FRAS1: variants seen among roughly 807,000 people sequenced by gnomAD.
FRAS1 encodes the protein Fraser extracellular matrix complex subunit 1.
FRAS1 carries 290 observed loss-of-function variants against 435.2 expected under a neutral mutation model. The ratio of observed to expected loss-of-function variants is 0.67; its 90% CI spans 0.61 to 0.73. The LOEUF is 0.73. FRAS1 is among the 30% of genes least tolerant of loss of function. FRAS1 has a pLI of 0.00. For synonymous variants in FRAS1, 1,800 were observed against 1,851.0 expected (o/e 0.97, Z 0.71); for missense variants, 4,860 against 5,001.5 (o/e 0.97, Z 0.85).
intron 1 of FRAS1, among the ~76,000 whole-genome samples, chr4:78,059,667 G>C (rs1038288650): frequency 6.6e-6 from 1 of 151,888 alleles, no homozygotes; most frequent in South Asian, 2.1e-4. Flanking sequence ...CGCAGGAAAC[G>C]TGCTATCACT....
At chr4:78,205,856 G>C (rs1723232597) in intron 2 of FRAS1, among the ~76,000 whole-genome samples, 1 of 152,060 alleles carries the variant, frequency 6.6e-6, no homozygotes, top group Admixed American at 6.5e-5. Flanking sequence ...AATGACGCCT[G>C]TTTCCCCAGG....
At chr4:78,512,921 G>T (rs1035169786) in intron 64 of FRAS1, among the ~76,000 whole-genome samples, 1 of 152,148 alleles carries the variant, frequency 6.6e-6, no homozygotes, top group Non-Finnish European at 1.5e-5. Context: ...TAGAGGAATT[G>T]GTTTTAGAGT....
At position 78,518,437 on chromosome 4, in the gene FRAS1, TA is replaced by T. The variant is rs879492986; in HGVS notation, c.10390-893del. 1.0e-3 allele frequency among the ~76,000 whole-genome samples: 124 copies of T among 119,386 alleles called. 2 individuals are homozygous for T. The highest frequency in any genetic ancestry group is 3.7e-3 in the Admixed American group (46 of 12,420). The allele number at this position is 119,386 out of a possible 152,430, so 78.3% of individuals were successfully genotyped here. A position where few individuals can be genotyped will look rare whatever the true frequency, so the allele number is the denominator to read the frequency against. On this transcript the variant is annotated intron_variant, in intron 66 of 73. Coordinates refer to ENST00000512123, the MANE Select transcript of FRAS1 (RefSeq NM_025074.7). ...TTTTTGTTGTGTATATATATATATA[TA>T]TATATATATATATATTTATTTATTT...
At chr4:78,428,601 G>C (rs1483478208) in intron 35 of FRAS1, among the ~76,000 whole-genome samples, 1 of 152,164 alleles carries the variant, frequency 6.6e-6, no homozygotes, top group Non-Finnish European at 1.5e-5. Flanking sequence ...GGGATTACAG[G>C]TGTGAGCCAC....
chr4:78,271,099 A>G (rs561301381), intron 9 of FRAS1, among the ~76,000 whole-genome samples: 3 of 152,350 alleles, frequency 2.0e-5, no homozygotes, highest in Admixed American at 6.5e-5. Context: ...ATCCAGAGAC[A>G]ACCAATGCTT....
intron 18 of FRAS1, among the ~76,000 whole-genome samples, chr4:78,331,405 A>C (rs1478683225): frequency 6.6e-6 from 1 of 152,088 alleles, no homozygotes; most frequent in East Asian, 1.9e-4. Flanking sequence ...GCAGGGTGCT[A>C]GGGGTGGGGT....
At chr4:78,375,515 A>T (rs1731722154) in intron 25 of FRAS1, among the ~76,000 whole-genome samples, 1 of 152,182 alleles carries the variant, frequency 6.6e-6, no homozygotes, top group African/African-American at 2.4e-5. Context: ...TAAACAATTC[A>T]TTTTTGTGTA....
At chr4:78,405,655 T>C (rs973721715) in intron 30 of FRAS1, among the ~76,000 whole-genome samples, 2 of 152,216 alleles carry the variant, frequency 1.3e-5, no homozygotes, top group African/African-American at 4.8e-5. Flanking sequence ...AATTGCCCAA[T>C]ATGTCTAGTG....
At chr4:78,408,958 G>T (rs539616913) in intron 31 of FRAS1, among the ~76,000 whole-genome samples, 3 of 151,434 alleles carry the variant, frequency 2.0e-5, no homozygotes, top group East Asian at 3.9e-4. Context: ...ACCCTGTCTC[G>T]CAAAAAATAC....
At chr4:78,275,881 G>A (rs573361578) in intron 9 of FRAS1, among the ~76,000 whole-genome samples, 30 of 152,290 alleles carry the variant, frequency 2.0e-4, no homozygotes, top group South Asian at 6.2e-4. Context: ...GATTGGGGAA[G>A]TTCTCCTGGA....
intron 2 of FRAS1, among the ~76,000 whole-genome samples, chr4:78,176,934 T>C (rs1379309995): frequency 6.6e-6 from 1 of 152,236 alleles, no homozygotes; most frequent in Non-Finnish European, 1.5e-5. Flanking sequence ...TCATCTTATC[T>C]GTCCCATCAA....
At chr4:78,532,105 A>T (rs1721733938) in intron 70 of FRAS1, among the ~76,000 whole-genome samples, 1 of 152,190 alleles carries the variant, frequency 6.6e-6, no homozygotes, top group Admixed American at 6.5e-5. Flanking sequence ...CCACAGTTTA[A>T]ATAAACCCTA....
intron 2 of FRAS1, among the ~76,000 whole-genome samples, chr4:78,155,979 A>G (rs1036281435): frequency 2.0e-5 from 3 of 152,132 alleles, no homozygotes; most frequent in African/African-American, 7.2e-5. Context: ...CAAAAACCGC[A>G]AACAACATAA....
intron 2 of FRAS1, among the ~76,000 whole-genome samples, chr4:78,112,965 T>C (rs1039036242): frequency 1.5e-4 from 23 of 152,268 alleles, no homozygotes; most frequent in Non-Finnish European, 2.9e-4. Flanking sequence ...CTTCTAATGC[T>C]ATCCCTCCCC....
intron 2 of FRAS1, among the ~76,000 whole-genome samples, chr4:78,206,689 C>T (rs1418622970): frequency 2.0e-5 from 3 of 152,064 alleles, no homozygotes; most frequent in Non-Finnish European, 4.4e-5. Context: ...CTTATTTAAG[C>T]GTTTTAAGAG....
chr4:78,334,093 G>C (rs1730061715), intron 19 of FRAS1, among the ~76,000 whole-genome samples: 1 of 152,092 alleles, frequency 6.6e-6, no homozygotes, highest in African/African-American at 2.4e-5. Flanking sequence ...CCAGCCTGTG[G>C]CTTTTTAAAA....
chr4:78,149,475 C>T (rs1441640905), intron 2 of FRAS1, among the ~76,000 whole-genome samples: 1 of 152,188 alleles, frequency 6.6e-6, no homozygotes, highest in African/African-American at 2.4e-5. Context: ...TCACAGGAAA[C>T]ACCACCTATT....
intron 2 of FRAS1, among the ~76,000 whole-genome samples, chr4:78,076,588 C>T (rs766027543): frequency 6.6e-6 from 1 of 152,070 alleles, no homozygotes; most frequent in East Asian, 1.9e-4. Context: ...TTGTTTGCTT[C>T]TAGGATTTTA....
At chr4:78,497,751 A>T (rs1044742770) in intron 60 of FRAS1, among the ~76,000 whole-genome samples, 4 of 152,220 alleles carry the variant, frequency 2.6e-5, no homozygotes, top group African/African-American at 9.6e-5. Context: ...ATTCTGTCTG[A>T]TTCTAGAATC....
Sources: gnomAD v4.1 joint callset for allele counts (sites outside exome capture counted in the v4.1 genomes callset) on GRCh38, gnomAD v4.1.1 for gene constraint, MANE v1.5 for transcripts, NCBI Gene and HGNC (gene_info 2026-07-23, HGNC 2026-07-21) for gene names.